Variants in RAF1 observed in about 807,000 individuals in gnomAD.
The protein encoded by RAF1 is RAF proto-oncogene serine/threonine-protein kinase.
Under a neutral mutation model 81.1 loss-of-function variants are expected in RAF1, and 27 were observed. The ratio of observed to expected loss-of-function variants is 0.33; its 90% CI spans 0.25 to 0.46. The LOEUF is 0.46. RAF1 is among the 20% of genes least tolerant of loss of function. The probability of loss-of-function intolerance (pLI) is 1.00; values close to 1 mark genes in which losing one functional copy is unlikely to be tolerated. For missense variants in RAF1, 598 were observed against 826.0 expected (o/e 0.72, Z 3.38); for synonymous variants, 298 against 294.0 (o/e 1.01, Z -0.14).
chr3:12,615,459 T>G (rs142269354), intron 2 of RAF1, among the ~76,000 whole-genome samples: 2 of 152,184 alleles, frequency 1.3e-5, no homozygotes, highest in Admixed American at 1.3e-4. Flanking sequence ...TGAGTGATTA[T>G]GAGAGTCATT....
At chr3:12,625,648 C>G (rs76755971) in intron 1 of RAF1, among the ~76,000 whole-genome samples, 1 of 152,156 alleles carries the variant, frequency 6.6e-6, no homozygotes, top group African/African-American at 2.4e-5. Flanking sequence ...ACAAGACCTC[C>G]CAGGAAAGAA....
At chr3:12,593,025 C>G (rs1041466837) in intron 11 of RAF1, among the ~76,000 whole-genome samples, 3 of 151,640 alleles carry the variant, frequency 2.0e-5, no homozygotes, top group Non-Finnish European at 2.9e-5. Context: ...CAGGTATGAG[C>G]CACCGTGCCT....
chr3:12,640,225 G>A (rs2060143148), intron 1 of RAF1, among the ~76,000 whole-genome samples: 1 of 152,120 alleles, frequency 6.6e-6, no homozygotes, highest in Non-Finnish European at 1.5e-5. Context: ...ATTTAAGATG[G>A]ATTAAAGACT....
At chr3:12,600,789 T>C (rs776921610) in intron 8 of RAF1, among the ~76,000 whole-genome samples, 22 of 152,256 alleles carry the variant, frequency 1.4e-4, no homozygotes, top group Non-Finnish European at 2.9e-4. Flanking sequence ...CTTGAACTCC[T>C]GACCTGAGGT....
chr3:12,656,919 C>T (rs958536138), intron 1 of RAF1, among the ~76,000 whole-genome samples: 11 of 151,688 alleles, frequency 7.3e-5, no homozygotes, highest in Admixed American at 6.6e-5. Context: ...ATCACTTGAA[C>T]CCGGGAGACA....
chr3:12,652,040 AAATAAATAAATAAATG>A (rs2060546200), intron 1 of RAF1, among the ~76,000 whole-genome samples: 1 of 150,110 alleles, frequency 6.7e-6, no homozygotes, highest in African/African-American at 2.4e-5. Flanking sequence ...ATAAATAAAT[AAATAAATAAATAAATG>A]ATATAAAAAA....
intron 13 of RAF1, chr3:12,588,084 C>A (rs545093888): frequency 6.6e-6 from 1 of 151,436 alleles, no homozygotes; most frequent in South Asian, 2.1e-4. Context: ...GGATTACAGG[C>A]ATGGGCCCCT....
At chr3:12,662,707 C>T (rs1187679576) in intron 1 of RAF1, among the ~76,000 whole-genome samples, 4 of 152,058 alleles carry the variant, frequency 2.6e-5, no homozygotes, top group Non-Finnish European at 5.9e-5. Context: ...CCTCCTCACC[C>T]GATGAGCACT....
chr3:12,652,952 A>ATGT (rs1553624322), intron 1 of RAF1, among the ~76,000 whole-genome samples: 1 of 151,084 alleles, frequency 6.6e-6, no homozygotes, highest in Non-Finnish European at 1.5e-5. Context: ...AAAAAAAAAA[A>ATGT]TTTTTTTAAT....
chr3:12,593,175 C>T (rs1014558207), intron 11 of RAF1, among the ~76,000 whole-genome samples: 1 of 148,594 alleles, frequency 6.7e-6, no homozygotes, highest in Non-Finnish European at 1.5e-5. Context: ...ACTGCAACCT[C>T]CGCAAGCGAT....
At chr3:12,631,471 C>T (rs574446101) in intron 1 of RAF1, among the ~76,000 whole-genome samples, 134 of 152,144 alleles carry the variant, frequency 8.8e-4, no homozygotes, top group African/African-American at 3.0e-3. Flanking sequence ...TGGTGGCGGG[C>T]GCCTGTAGCC....
intron 5 of RAF1, among the ~76,000 whole-genome samples, chr3:12,607,003 C>T (rs960387767): frequency 6.6e-6 from 1 of 152,094 alleles, no homozygotes; most frequent in African/African-American, 2.4e-5. Context: ...GTGTGCATTT[C>T]TAGGAAATAC....
chr3:12,587,962 C>CTTTTTTTTTTTTTTTTTTT (rs33981119), intron 13 of RAF1: 1 of 62,536 alleles, frequency 1.6e-5, no homozygotes, highest in African/African-American at 7.5e-5. Context: ...ACCATGCCGC[C>CTTTTTTTTTTTTTTTTTTT]TTTTTTTTTT....
intron 1 of RAF1, among the ~76,000 whole-genome samples, chr3:12,643,036 C>T (rs2060241698): frequency 6.6e-6 from 1 of 152,104 alleles, no homozygotes; most frequent in Non-Finnish European, 1.5e-5. Context: ...CATTGGTTTT[C>T]ATCTCCTATT....
chr3:12,634,103 T>C (rs1432150285), intron 1 of RAF1, among the ~76,000 whole-genome samples: 1 of 151,888 alleles, frequency 6.6e-6, no homozygotes, highest in African/African-American at 2.4e-5. Flanking sequence ...GAGAGATATT[T>C]TCTGACATTC....
At chr3:12,633,488 TAA>T (rs11414306) in intron 1 of RAF1, among the ~76,000 whole-genome samples, 28 of 109,282 alleles carry the variant, frequency 2.6e-4, no homozygotes, top group Admixed American at 5.5e-4. Context: ...GTCTGGAAAT[TAA>T]AAAAAAAAAA....
At position 12,645,743 on chromosome 3, in the gene RAF1, G is replaced by A. The variant is rs572643236; in HGVS notation, c.-27+18070C>T. 2.0e-4 allele frequency among the ~76,000 whole-genome samples: 31 copies of A among 152,040 alleles called. No individual in the cohort carries two copies. The East Asian group carries it at 5.2e-3, about 26-fold the overall frequency. On this transcript the variant is annotated intron_variant, in intron 1 of 17. Coordinates refer to ENST00000442415, the MANE Select transcript of RAF1 (RefSeq NM_001354689.3). ...GTATTTATTTAATCTTTTTTTTGTA[G>A]AGGTGGGGTGGGGTGAGGGGGGTGT...
intron 1 of RAF1, among the ~76,000 whole-genome samples, chr3:12,637,122 T>C (rs1238133767): frequency 1.3e-5 from 2 of 152,162 alleles, no homozygotes; most frequent in African/African-American, 4.8e-5. Flanking sequence ...CCTCCGCTAG[T>C]AAAACAAATT....
intron 1 of RAF1, among the ~76,000 whole-genome samples, chr3:12,619,851 G>GA (rs946384937): frequency 2.6e-5 from 4 of 152,260 alleles, no homozygotes; most frequent in African/African-American, 9.6e-5. Flanking sequence ...GGGAGGCCGA[G>GA]ATGGGCGGAT....
Sources: allele counts gnomAD v4.1 joint callset (sites outside exome capture counted in the v4.1 genomes callset), GRCh38; gene constraint gnomAD v4.1.1; transcripts MANE v1.5; gene names NCBI Gene and HGNC (gene_info 2026-07-23, HGNC 2026-07-21).